Variants in MYH13 observed in about 807,000 individuals in gnomAD.
MYH13 encodes myosin heavy chain 13, also known as myosin-13.
MYH13 carries 177 observed loss-of-function variants against 232.1 expected under a neutral mutation model. That is an observed-to-expected ratio of 0.76 (90% CI 0.67 to 0.86). MYH13 has a LOEUF of 0.86. MYH13 is among the 40% of genes least tolerant of loss of function. The pLI, the probability that MYH13 is intolerant of heterozygous loss-of-function variation, is 0.00. For synonymous variants in MYH13, 884 were observed against 923.5 expected (o/e 0.96, Z 0.78); for missense variants, 2,246 against 2,405.9 (o/e 0.93, Z 1.39).
Position 10,350,576 on chromosome 17 carries a change from G to A in MYH13, c.1124C>T (p.Ala375Val), listed in dbSNP as rs2071701059. 1.2e-6 allele frequency: 2 copies of A among 1,612,904 alleles called. No individual in the cohort carries two copies. Among genetic ancestry groups the A allele is most frequent in the South Asian group, 1.1e-5 (1 of 90,986 alleles). The change falls in exon 12 of 41, where the codon GCG becomes GTG. Residue 375 changes from alanine (A) to valine (V), a missense_variant. Coordinates refer to ENST00000252172, the MANE Select transcript of MYH13 (RefSeq NM_003802.3). The part of the protein sequence containing the change: ...KFKQKQREEQ[A>V]EPDGTEVADK... ...GTTACCTTCGGTGCCGTCTGGCTCC[G>A]CCTGCTCCTCACGCTGCTTCTGCTT...
At chr17:10,365,123 C>G (rs1354064329) in intron 2 of MYH13, among the ~76,000 whole-genome samples, 1 of 152,146 alleles carries the variant, frequency 6.6e-6, no homozygotes, top group Non-Finnish European at 1.5e-5. Context: ...AATCTGCCCG[C>G]CTTGACCTCC....
chr17:10,315,850 C>A, intron 28 of MYH13, 39 bp from the exon 29 acceptor site: 1 of 1,613,936 alleles, frequency 6.2e-7, no homozygotes, highest in Non-Finnish European at 8.5e-7. Flanking sequence ...GTGTTACTGA[C>A]CACCCTCTCC....
At chr17:10,365,359 A>T (rs2071826034) in intron 2 of MYH13, among the ~76,000 whole-genome samples, 1 of 152,256 alleles carries the variant, frequency 6.6e-6, no homozygotes, top group Admixed American at 6.5e-5. Context: ...AAATAACAAG[A>T]TGATGGGAGG....
chr17:10,342,737 G>C (rs1332050427), intron 16 of MYH13, among the ~76,000 whole-genome samples: 1 of 152,132 alleles, frequency 6.6e-6, no homozygotes, highest in Non-Finnish European at 1.5e-5. Flanking sequence ...GAAATGCCCA[G>C]ATAGGCAAAT....
chr17:10,366,218 A>G (rs940047887), intron 2 of MYH13, among the ~76,000 whole-genome samples: 1 of 149,528 alleles, frequency 6.7e-6, no homozygotes. Context: ...TCTTCCCTCT[A>G]CTCCACTACC....
Position 10,354,957 on chromosome 17 carries a change from G to A in MYH13, c.839C>T (p.Ser280Phe), listed in dbSNP as rs571651777. 1 of 1,609,274 alleles carries A rather than the reference G, an allele frequency of 6.2e-7. No homozygotes were observed. The highest frequency in any genetic ancestry group is 2.2e-5 in the East Asian group (1 of 44,864). ...LEKSRVTFQLSSERSYHIFYQ... is the reference protein window; with the variant it reads ...LEKSRVTFQLFSERSYHIFYQ... ...GAAAATATGATAGCTTCTCTCACTG[G>A]ATAATTGAAACGTCACTCTGGATTT... is the stretch of plus-strand genomic sequence containing the variant. The change falls in exon 10 of 41, where the codon TCC becomes TTC. Residue 280 changes from serine (S) to phenylalanine (F), a missense_variant. Transcript: ENST00000252172.
chr17:10,346,261 G>A lies in MYH13; in HGVS notation c.1263+419C>T, dbSNP rs185962259. Among the ~76,000 whole-genome samples, 401 of 152,260 alleles carry A rather than the reference G, an allele frequency of 2.6e-3. 4 individuals are homozygous for A. The highest frequency in any genetic ancestry group is 6.8e-3 in the Middle Eastern group (2 of 294). ...TGGATTAATTGAGTATCTCTCCTAA[G>A]AATTTGGAATAGGGATCAAAAGACA... On this transcript the variant is annotated intron_variant, in intron 13 of 40. Transcript: ENST00000252172.
At chr17:10,337,017 A>G (rs533199240) in intron 18 of MYH13, among the ~76,000 whole-genome samples, 1 of 151,832 alleles carries the variant, frequency 6.6e-6, no homozygotes, top group East Asian at 1.9e-4. Flanking sequence ...TCCTGGGTAC[A>G]AGCAATTCTG....
intron 32 of MYH13, among the ~76,000 whole-genome samples, chr17:10,311,497 G>A (rs936668356): frequency 6.6e-6 from 1 of 152,206 alleles, no homozygotes; most frequent in Non-Finnish European, 1.5e-5. Context: ...GAAAACAACT[G>A]TGGGGAAAAC....
chr17:10,328,155 C>T (rs1222222016), intron 21 of MYH13, 34 bp from the exon 22 acceptor site: 4 of 1,607,380 alleles, frequency 2.5e-6, no homozygotes, highest in Non-Finnish European at 3.4e-6. Flanking sequence ...TTAATAAATC[C>T]AGCAAGGTCT....
chr17:10,316,041 A>G lies in MYH13; in HGVS notation c.3739-16T>C, dbSNP rs1302949816. On this transcript the variant is annotated splice_polypyrimidine_tract_variant and intron_variant, in intron 27 of 40. Transcript: ENST00000252172. ...CTATGTTACTCTTTAACAAACAGAA[A>G]GTCAACACGAATGGGAAGAAATGGA... The G allele has an allele frequency of 6.2e-7, 1 of 1,613,802 alleles. No homozygotes were observed. Among genetic ancestry groups the G allele is most frequent in the African/African-American group, 1.3e-5 (1 of 74,944 alleles).
Position 10,332,023 on chromosome 17 carries a change from C to T in MYH13, c.2298+76G>A. 4 of 1,574,656 alleles carry T rather than the reference C, an allele frequency of 2.5e-6. No individual in the cohort carries two copies. In the South Asian group the frequency reaches 4.5e-5, roughly 18 times the overall value. Reference sequence around the variant, plus strand: ...CAGGTGGACCAAAAGGAGAAGGGGACCCTTTTTCTGATCAGCTAAGAAGCA... The same window carrying T: ...CAGGTGGACCAAAAGGAGAAGGGGATCCTTTTTCTGATCAGCTAAGAAGCA... On this transcript the variant is annotated intron_variant, in intron 20 of 40. Coordinates refer to ENST00000252172, the MANE Select transcript of MYH13 (RefSeq NM_003802.3).
At chr17:10,354,598 T>C in intron 11 of MYH13, 82 bp downstream of exon 11, 1 of 1,287,648 alleles carries the variant, frequency 7.8e-7, no homozygotes, top group Middle Eastern at 2.6e-4. Flanking sequence ...ATTTCAGCTT[T>C]CCCATTAGCT....
rs1027277223 is a variant in MYH13 at position 10,371,193 on chromosome 17, T to C, written c.-13+16A>G. 1 of 152,194 alleles carries C rather than the reference T, an allele frequency of 6.6e-6. No homozygotes were observed. The highest frequency in any genetic ancestry group is 2.4e-5 in the African/African-American group (1 of 41,440). The allele number at this position is 152,194 out of a possible 1,614,324, so 9.4% of individuals were successfully genotyped here. ...TCAATGATTGCATTCATGATCAAGC[T>C]GAAAATAACCCTTACCTTCTTGGTT... is the stretch of plus-strand genomic sequence containing the variant. On this transcript the variant is annotated intron_variant, in intron 2 of 40. Transcript: ENST00000252172.
At position 10,326,778 on chromosome 17, in the gene MYH13, A is replaced by G. The variant is rs138680826; in HGVS notation, c.2691+1088T>C. Among the ~76,000 whole-genome samples the G allele has an allele frequency of 4.2e-4, 63 of 148,772 alleles. 1 individual carries two copies. The East Asian group carries it at 0.011, about 26-fold the overall frequency. On this transcript the variant is annotated intron_variant, in intron 22 of 40. Coordinates refer to ENST00000252172, the MANE Select transcript of MYH13 (RefSeq NM_003802.3). ...AGGTGTGAGCCACCGCGTCCAGCCT[A>G]TACTGCCCCATTTCTTTGATAAAAC...
intron 29 of MYH13, among the ~76,000 whole-genome samples, chr17:10,313,901 C>A (rs1906609648): frequency 6.6e-6 from 1 of 152,324 alleles, no homozygotes; most frequent in African/African-American, 2.4e-5. Context: ...TGTCCCCACA[C>A]TGGGGATTGC....
chr17:10,324,356 C>T, intron 22 of MYH13, 92 bp from the exon 23 acceptor site: 2 of 1,500,918 alleles, frequency 1.3e-6, no homozygotes, highest in Non-Finnish European at 1.8e-6. Flanking sequence ...ATTATCTACA[C>T]CTAAGCCAAG....
Position 10,309,555 on chromosome 17 carries a change from C to T in MYH13, c.4932G>A (p.Gln1644=). Residue 1644 remains glutamine, a synonymous_variant, in exon 34 of 41, where the codon CAG becomes CAA. Transcript: ENST00000252172. ...GGCCCTGGACCGTGCGCAGATGCTTCTGGGTCTCTGCCATCTGGCGGTTGG... is the reference window on the plus strand; with the variant it reads ...GGCCCTGGACCGTGCGCAGATGCTTTTGGGTCTCTGCCATCTGGCGGTTGG... ...GHSNRQMAET[Q]KHLRTVQGQL... 1 of 1,612,686 alleles carries T rather than the reference C, an allele frequency of 6.2e-7. No individual in the cohort carries two copies.
In MYH13 at chr17:10,354,779, C is replaced by A. The variant is rs771654640; in HGVS notation, c.906G>T (p.Leu302=). ...MSNKKPELID[L]LLISTNPFDF... is the part of the protein sequence containing the mutation. ...CGAAGGGGTTGGTGGAGATCAGAAG[C>A]AGGTCTGTGAAACACAGATATCCCT... Residue 302 remains leucine (L), a synonymous_variant, in exon 11 of 41, where the codon CTG becomes CTT. Transcript: ENST00000252172. 3 of 1,613,772 alleles carry A rather than the reference C, an allele frequency of 1.9e-6. No homozygotes were observed.
Sources: allele counts gnomAD v4.1 joint callset (sites outside exome capture counted in the v4.1 genomes callset), GRCh38; gene constraint gnomAD v4.1.1; transcripts MANE v1.5; gene names NCBI Gene and HGNC (gene_info 2026-07-23, HGNC 2026-07-21).